The following GLRA3 variants were observed in gnomAD, a reference collection of about 807,000 sequenced individuals.
GLRA3 encodes glycine receptor subunit alpha-3.
GLRA3 carries 44 observed loss-of-function variants against 60.4 expected under a neutral mutation model. That is an observed-to-expected ratio of 0.73 (90% CI 0.57 to 0.94). GLRA3 has a LOEUF of 0.94. Ranked by LOEUF, GLRA3 falls within the 40% of genes least tolerant of loss-of-function variation. The pLI is 0.00. For missense variants in GLRA3, 508 were observed against 564.6 expected, an observed-to-expected ratio of 0.90 and a Z score of 1.02; for synonymous variants, 223 against 192.9, an observed-to-expected ratio of 1.16 and a Z score of -1.29.
chr4:174,726,277 T>C (rs1736319210), intron 4 of GLRA3, among the ~76,000 whole-genome samples: 1 of 152,222 alleles, frequency 6.6e-6, no homozygotes, highest in South Asian at 2.1e-4. Flanking sequence ...AAGCTCACTA[T>C]AGGATGGTGG....
At chr4:174,683,095 A>C (rs915703312) in intron 5 of GLRA3, among the ~76,000 whole-genome samples, 156 bp from the exon 6 acceptor site, 1 of 152,196 alleles carries the variant, frequency 6.6e-6, no homozygotes, top group African/African-American at 2.4e-5. Flanking sequence ...ATTCCGTTTC[A>C]TAAATGTCTG....
intron 2 of GLRA3, among the ~76,000 whole-genome samples, chr4:174,777,476 T>C (rs943796520): frequency 6.6e-6 from 1 of 152,084 alleles, no homozygotes; most frequent in South Asian, 2.1e-4. Context: ...TTATATGACA[T>C]CCTGGAAAAG....
chr4:174,691,833 G>A (rs1425898117), intron 5 of GLRA3, among the ~76,000 whole-genome samples: 1 of 151,994 alleles, frequency 6.6e-6, no homozygotes, highest in Non-Finnish European at 1.5e-5. Context: ...GAAGTGAGGA[G>A]CGTCTCTGCC....
chr4:174,737,273 A>T (rs6553812), intron 3 of GLRA3, among the ~76,000 whole-genome samples: 44,254 of 152,074 alleles, frequency 0.29, 6,689 homozygotes, highest in African/African-American at 0.35. Context: ...ACACATATTT[A>T]AAAATTTCAT....
intron 1 of GLRA3, among the ~76,000 whole-genome samples, chr4:174,807,132 A>G (rs1262191689): frequency 2.0e-5 from 3 of 152,040 alleles, no homozygotes; most frequent in Admixed American, 6.6e-5. Flanking sequence ...TGAAGCAGAC[A>G]AAAGAAGATA....
intron 3 of GLRA3, among the ~76,000 whole-genome samples, chr4:174,746,065 A>G (rs1437209146): frequency 6.6e-6 from 1 of 152,178 alleles, no homozygotes; most frequent in Admixed American, 6.5e-5. Context: ...TAGTACAACC[A>G]CTATGGGAAA....
intron 9 of GLRA3, among the ~76,000 whole-genome samples, chr4:174,654,301 T>C (rs1056028942): frequency 2.6e-5 from 4 of 152,128 alleles, no homozygotes; most frequent in African/African-American, 7.2e-5. Context: ...CAATTATTTA[T>C]TATCCTTAGA....
chr4:174,698,908 C>A (rs890113671), intron 5 of GLRA3, among the ~76,000 whole-genome samples: 15 of 151,818 alleles, frequency 9.9e-5, no homozygotes, highest in African/African-American at 3.6e-4. Context: ...GGACAGAGAC[C>A]CAGACATTAC....
chr4:174,788,209 C>G (rs997118887), intron 2 of GLRA3, among the ~76,000 whole-genome samples: 29 of 151,860 alleles, frequency 1.9e-4, no homozygotes, highest in African/African-American at 6.8e-4. Flanking sequence ...GTTACATATC[C>G]TTATATAAAC....
chr4:174,751,230 T>C (rs1197700419), intron 3 of GLRA3, among the ~76,000 whole-genome samples: 1 of 152,108 alleles, frequency 6.6e-6, no homozygotes, highest in Non-Finnish European at 1.5e-5. Flanking sequence ...AAGTGTGGTG[T>C]AAATTTCACA....
chr4:174,811,436 T>C (rs986557102), intron 1 of GLRA3, among the ~76,000 whole-genome samples: 1 of 152,168 alleles, frequency 6.6e-6, no homozygotes, highest in Admixed American at 6.5e-5. Flanking sequence ...AATTTGACTG[T>C]GCATTTTTGC....
intron 8 of GLRA3, among the ~76,000 whole-genome samples, chr4:174,658,199 A>G (rs568856175): frequency 2.0e-5 from 3 of 152,284 alleles, no homozygotes; most frequent in South Asian, 2.1e-4. Context: ...CCTTGCCACA[A>G]TTACACAAAA....
chr4:174,825,110 G>A (rs773497547), intron 1 of GLRA3, among the ~76,000 whole-genome samples: 1 of 151,944 alleles, frequency 6.6e-6, no homozygotes, highest in Non-Finnish European at 1.5e-5. Context: ...TCTATACCTG[G>A]GACAATTTAT....
chr4:174,713,126 A>G (rs1322171766), intron 5 of GLRA3, among the ~76,000 whole-genome samples: 3 of 152,236 alleles, frequency 2.0e-5, no homozygotes, highest in East Asian at 3.9e-4. Context: ...CAAAGTCTCT[A>G]TGGTTAGCTA....
chr4:174,707,416 A>T (rs1193645221), intron 5 of GLRA3, among the ~76,000 whole-genome samples: 1 of 152,178 alleles, frequency 6.6e-6, no homozygotes, highest in African/African-American at 2.4e-5. Context: ...TAGTTGTAGT[A>T]CTCAGATGAC....
In GLRA3 at chr4:174,798,657, G is replaced by C. The variant is rs747596133; in HGVS notation, c.72-9714C>G. Among the ~76,000 whole-genome samples, 29 of 152,356 alleles carry C rather than the reference G, an allele frequency of 1.9e-4. No homozygotes were observed. In the East Asian group the frequency reaches 2.1e-3, roughly 11 times the overall value. ...AAGACTTTTAAGGCTGGGCGCGGTG[G>C]CTCATGCCTGTAATCCCAGCACTTT... On this transcript the variant is annotated intron_variant, in intron 1 of 9. Transcript: ENST00000274093.
chr4:174,652,200 T>C (rs1733044943), intron 9 of GLRA3, among the ~76,000 whole-genome samples: 1 of 152,170 alleles, frequency 6.6e-6, no homozygotes, highest in African/African-American at 2.4e-5. Context: ...TGTGCAGTGA[T>C]ATTCCTTATT....
chr4:174,758,242 A>G (rs1041364750), intron 3 of GLRA3, among the ~76,000 whole-genome samples: 2 of 152,228 alleles, frequency 1.3e-5, no homozygotes, highest in Non-Finnish European at 2.9e-5. Flanking sequence ...GGTTAAAAAA[A>G]GGAGTTACTT....
chr4:174,715,121 T>C (rs531434200), intron 5 of GLRA3, among the ~76,000 whole-genome samples: 59 of 152,336 alleles, frequency 3.9e-4, no homozygotes, highest in Admixed American at 3.2e-3. Flanking sequence ...AACAATATCT[T>C]TGTTGTCAGT....
Sources: allele counts gnomAD v4.1 joint callset (sites outside exome capture counted in the v4.1 genomes callset), GRCh38; gene constraint gnomAD v4.1.1; transcripts MANE v1.5; gene names NCBI Gene and HGNC (gene_info 2026-07-23, HGNC 2026-07-21).